The following GPR160 variants were observed in gnomAD, a reference collection of about 807,000 sequenced individuals.
GPR160 encodes probable G protein-coupled receptor 160.
GPR160 carries 2 observed loss-of-function variants against 2.6 expected under a neutral mutation model. The observed-to-expected ratio is 0.77, with a 90% confidence interval of 0.32 to 2.44. GPR160 has a LOEUF of 2.44. Ranked by LOEUF, GPR160 falls within the 30% of genes most tolerant of loss-of-function variation. GPR160 has a pLI of 0.11. For missense variants in GPR160, 351 were observed against 383.6 expected (o/e 0.91, Z 0.71); for synonymous variants, 130 against 132.2 (o/e 0.98, Z 0.12).
At chr3:170,071,636 A>G (rs1389033678) in intron 2 of GPR160, among the ~76,000 whole-genome samples, 1 of 126,912 alleles carries the variant, frequency 7.9e-6, no homozygotes, top group Non-Finnish European at 1.8e-5. Flanking sequence ...TACTAAAAAT[A>G]CAAAAAAAAA....
At chr3:170,076,568 G>A (rs1712860435) in intron 2 of GPR160, among the ~76,000 whole-genome samples, 1 of 151,268 alleles carries the variant, frequency 6.6e-6, no homozygotes, top group Non-Finnish European at 1.5e-5. Flanking sequence ...TGAGATAACT[G>A]TGTCTCACTC....
chr3:170,073,719 G>A (rs1022540838), intron 2 of GPR160, among the ~76,000 whole-genome samples: 2 of 151,942 alleles, frequency 1.3e-5, no homozygotes, highest in African/African-American at 4.8e-5. Context: ...AAATGTCTTT[G>A]GTATCAAGGT....
At chr3:170,041,842 A>G (rs1001604506) in intron 2 of GPR160, among the ~76,000 whole-genome samples, 3 of 152,196 alleles carry the variant, frequency 2.0e-5, no homozygotes, top group Non-Finnish European at 4.4e-5. Context: ...AAGCATGGAA[A>G]GAGAAAAGAA....
At chr3:170,058,508 A>C (rs576885739) in intron 2 of GPR160, among the ~76,000 whole-genome samples, 3 of 152,378 alleles carry the variant, frequency 2.0e-5, no homozygotes, top group African/African-American at 7.2e-5. Flanking sequence ...CAGTGGTTAC[A>C]TTGACAACAG....
At chr3:170,045,443 A>AAAAAAAAAAAC (rs1559981277) in intron 2 of GPR160, among the ~76,000 whole-genome samples, 6 of 131,470 alleles carry the variant, frequency 4.6e-5, no homozygotes, top group African/African-American at 2.1e-4. Flanking sequence ...AAAAAAAAAA[A>AAAAAAAAAAAC]AAAACCAATT....
chr3:170,053,542 A>G (rs1231000844), intron 2 of GPR160, among the ~76,000 whole-genome samples: 1 of 152,186 alleles, frequency 6.6e-6, no homozygotes, highest in Admixed American at 6.5e-5. Flanking sequence ...TGCCATCTAC[A>G]AATAGTTTTA....
At chr3:170,063,583 C>G in intron 2 of GPR160, among the ~76,000 whole-genome samples, 1 of 135,454 alleles carries the variant, frequency 7.4e-6, no homozygotes, top group East Asian at 2.2e-4. Context: ...AACCTCAGCA[C>G]AGGATTAGAG....
intron 2 of GPR160, among the ~76,000 whole-genome samples, chr3:170,064,910 G>T (rs978852969): frequency 6.6e-6 from 1 of 152,092 alleles, no homozygotes; most frequent in Admixed American, 6.5e-5. Context: ...ATGGAAGCAG[G>T]TATGAGAGCC....
intron 2 of GPR160, among the ~76,000 whole-genome samples, chr3:170,059,030 AACACACACACACAC>A (rs10542909): frequency 2.7e-5 from 4 of 148,904 alleles, no homozygotes; most frequent in African/African-American, 7.4e-5. Flanking sequence ...CACATGCACA[AACACACACACACAC>A]ACACACACAC....
intron 3 of GPR160, among the ~76,000 whole-genome samples, chr3:170,082,096 A>G (rs962649702): frequency 6.6e-6 from 1 of 152,210 alleles, no homozygotes; most frequent in Non-Finnish European, 1.5e-5. Flanking sequence ...TTCAGACTCA[A>G]AACTCCATTT....
intron 3 of GPR160, among the ~76,000 whole-genome samples, chr3:170,082,836 C>A (rs2108198567): frequency 6.6e-6 from 1 of 151,906 alleles, no homozygotes; most frequent in South Asian, 2.1e-4. Context: ...CTCAAGCCAT[C>A]CTCCTGCCTT....
intron 2 of GPR160, among the ~76,000 whole-genome samples, chr3:170,059,388 G>T (rs1439558489): frequency 6.6e-6 from 1 of 152,178 alleles, no homozygotes; most frequent in Non-Finnish European, 1.5e-5. Flanking sequence ...TATAAGCTTA[G>T]TGGAATATAG....
At chr3:170,057,210 A>T (rs942898389) in intron 2 of GPR160, 2 of 152,208 alleles carry the variant, frequency 1.3e-5, no homozygotes, top group African/African-American at 4.8e-5. Flanking sequence ...CTAGAATGTA[A>T]GTTGAAATAC....
At chr3:170,055,367 A>G (rs1018904026) in intron 2 of GPR160, among the ~76,000 whole-genome samples, 2 of 152,172 alleles carry the variant, frequency 1.3e-5, no homozygotes, top group Non-Finnish European at 2.9e-5. Context: ...GTTTCTCAGC[A>G]ATGATGAATA....
intron 2 of GPR160, among the ~76,000 whole-genome samples, chr3:170,073,227 T>C (rs1422994092): frequency 1.3e-5 from 2 of 152,112 alleles, no homozygotes; most frequent in East Asian, 1.9e-4. Context: ...TTATAATTTG[T>C]TGTGACAGCC....
chr3:170,054,199 T>TAA (rs35046468), intron 2 of GPR160, among the ~76,000 whole-genome samples: 2 of 144,968 alleles, frequency 1.4e-5, no homozygotes, highest in Admixed American at 6.9e-5. Flanking sequence ...GTCTCATGCT[T>TAA]AAAAAAAAAA....
intron 2 of GPR160, among the ~76,000 whole-genome samples, chr3:170,040,110 G>A (rs1255644027): frequency 2.0e-5 from 3 of 152,156 alleles, no homozygotes; most frequent in Non-Finnish European, 4.4e-5. Flanking sequence ...GTTGATAGGT[G>A]CAGCAAAACA....
At chr3:170,059,841 C>A (rs190298710) in intron 2 of GPR160, among the ~76,000 whole-genome samples, 7 of 152,218 alleles carry the variant, frequency 4.6e-5, no homozygotes, top group South Asian at 2.1e-4. Context: ...TTCTTCCCCC[C>A]ACTCCCCCCT....
chr3:170,076,631 C>T (rs765220852), intron 2 of GPR160, among the ~76,000 whole-genome samples: 1 of 152,032 alleles, frequency 6.6e-6, no homozygotes, highest in African/African-American at 2.4e-5. Flanking sequence ...GCAACCTCCC[C>T]GTCCTAGGTC....
Sources: allele counts gnomAD v4.1 joint callset (sites outside exome capture counted in the v4.1 genomes callset), GRCh38; gene constraint gnomAD v4.1.1; transcripts MANE v1.5; gene names NCBI Gene and HGNC (gene_info 2026-07-23, HGNC 2026-07-21).